STK3: variants seen among roughly 807,000 people sequenced by gnomAD.
STK3 encodes the protein serine/threonine-protein kinase 3.
In STK3, 41 loss-of-function variants were observed where a neutral mutation model predicts 58.0. The observed-to-expected ratio is 0.71, with a 90% CI of 0.55 to 0.92. The LOEUF is 0.92. Ranked by LOEUF, STK3 falls within the 40% of genes least tolerant of loss-of-function variation. STK3 has a pLI of 0.00. For synonymous variants in STK3, 170 were observed against 191.0 expected, an observed-to-expected ratio of 0.89 and a Z score of 0.91; for missense variants, 479 against 602.7, an observed-to-expected ratio of 0.79 and a Z score of 2.15.
At chr8:98,598,077 A>G in intron 6 of STK3, 2 of 985,416 alleles carry the variant, frequency 2.0e-6, no homozygotes, top group Non-Finnish European at 2.4e-6. Context: ...AAGGACTTAC[A>G]TAAGCCCCTA....
intron 4 of STK3, among the ~76,000 whole-genome samples, chr8:98,718,565 G>GA (rs1284376120): frequency 6.6e-6 from 1 of 152,032 alleles, no homozygotes; most frequent in Non-Finnish European, 1.5e-5. Context: ...TTTGAAACGT[G>GA]GGTATTCTAA....
intron 6 of STK3, among the ~76,000 whole-genome samples, chr8:98,696,112 T>A (rs565355016): frequency 6.6e-6 from 1 of 152,314 alleles, no homozygotes; most frequent in African/African-American, 2.4e-5. Flanking sequence ...AGGTATTTTA[T>A]TCTCTTTGAA....
intron 1 of STK3, among the ~76,000 whole-genome samples, chr8:98,890,873 C>T (rs1434632177): frequency 6.6e-6 from 1 of 152,178 alleles, no homozygotes; most frequent in Non-Finnish European, 1.5e-5. Context: ...TCTAAAACAC[C>T]AGTCAGCTTG....
intron 1 of STK3, among the ~76,000 whole-genome samples, chr8:98,885,519 A>G (rs1458353659): frequency 6.6e-6 from 1 of 152,164 alleles, no homozygotes. Flanking sequence ...GGCTCACAGC[A>G]ACCTCCGCCT....
intron 1 of STK3, among the ~76,000 whole-genome samples, chr8:98,808,049 G>T (rs1018688572): frequency 1.3e-5 from 2 of 152,164 alleles, no homozygotes; most frequent in African/African-American, 4.8e-5. Context: ...CTATGAAAAG[G>T]GACATGTTCA....
At chr8:98,869,210 C>A (rs1431240930) in intron 3 of STK3, among the ~76,000 whole-genome samples, 1 of 152,236 alleles carries the variant, frequency 6.6e-6, no homozygotes, top group East Asian at 1.9e-4. Flanking sequence ...CACTCGAGCC[C>A]AGGAGTTCGA....
At chr8:98,484,736 C>T (rs1010098420) in intron 10 of STK3, among the ~76,000 whole-genome samples, 2 of 151,938 alleles carry the variant, frequency 1.3e-5, no homozygotes, top group Middle Eastern at 3.4e-3. Flanking sequence ...TTAGAAAATA[C>T]TATATATAAT....
intron 1 of STK3, among the ~76,000 whole-genome samples, chr8:98,816,032 G>C (rs549318028): frequency 6.6e-6 from 1 of 152,214 alleles, no homozygotes; most frequent in African/African-American, 2.4e-5. Flanking sequence ...ACTTGAGTCT[G>C]CTCCATCTCT....
chr8:98,716,281 T>A (rs1473364520), intron 4 of STK3, among the ~76,000 whole-genome samples: 2 of 151,812 alleles, frequency 1.3e-5, no homozygotes, highest in Non-Finnish European at 2.9e-5. Flanking sequence ...ACTTAAAGTA[T>A]AATAAAAAAA....
upstream of STK3, among the ~76,000 whole-genome samples, chr8:98,829,555 C>T (rs901561499): frequency 6.6e-6 from 1 of 152,114 alleles, no homozygotes; most frequent in Non-Finnish European, 1.5e-5. Flanking sequence ...CTCATTAAAC[C>T]CTGAAAACAA....
intron 1 of STK3, among the ~76,000 whole-genome samples, chr8:98,816,131 G>A (rs1834525534): frequency 6.6e-6 from 1 of 152,156 alleles, no homozygotes; most frequent in African/African-American, 2.4e-5. Flanking sequence ...ATCCAACTCT[G>A]GGAAACTAGT....
chr8:98,904,732 T>C, intron 1 of STK3: 1 of 831,884 alleles, frequency 1.2e-6, no homozygotes, highest in Non-Finnish European at 2.0e-6. Context: ...CCTCTCCAAC[T>C]GTGGGGAGCA....
chr8:98,510,130 GA>G (rs1322105561), intron 10 of STK3, among the ~76,000 whole-genome samples: 1 of 152,162 alleles, frequency 6.6e-6, no homozygotes, highest in East Asian at 1.9e-4. Context: ...CAAAATAAAA[GA>G]ATGATGTTGA....
chr8:98,902,709 T>A lies in STK3; in HGVS notation c.-78-18875A>T, dbSNP rs147104546. 8.3e-4 allele frequency among the ~76,000 whole-genome samples: 126 copies of A among 152,238 alleles called. 2 individuals carry two copies. The highest frequency in any genetic ancestry group is 7.6e-3 in the Admixed American group (116 of 15,282). On this transcript the variant is annotated intron_variant, in intron 1 of 1. Coordinates refer to the STK3 transcript ENST00000519420. ...TCATTTAAAAACATAGTAAATGGGG[T>A]CATGTCACTATCCTACACAAAAATA...
chr8:98,436,477 G>C (rs1054808723), intron 2 of STK3, among the ~76,000 whole-genome samples: 4 of 152,116 alleles, frequency 2.6e-5, no homozygotes, highest in African/African-American at 9.7e-5. Context: ...TCTATCAATG[G>C]AACCACAGTG....
chr8:98,421,081 G>A (rs541132185), intron 3 of STK3, among the ~76,000 whole-genome samples: 3 of 152,316 alleles, frequency 2.0e-5, no homozygotes, highest in South Asian at 2.1e-4. Context: ...GTGGGTGGTA[G>A]TTGAGGCTCC....
At chr8:98,808,829 C>T (rs965269914) in intron 1 of STK3, among the ~76,000 whole-genome samples, 11 of 152,118 alleles carry the variant, frequency 7.2e-5, no homozygotes, top group African/African-American at 2.4e-4. Flanking sequence ...TTGGTAGGCC[C>T]CTACAAAGCT....
intron 1 of STK3, among the ~76,000 whole-genome samples, chr8:98,816,467 C>T (rs960002536): frequency 1.3e-5 from 2 of 149,696 alleles, no homozygotes; most frequent in African/African-American, 2.4e-5. Context: ...GCTGAGATTG[C>T]ACTACTGCAC....
the STK3 span, among the ~76,000 whole-genome samples, chr8:98,344,410 C>G: frequency 6.6e-6 from 1 of 152,152 alleles, no homozygotes; most frequent in Non-Finnish European, 1.5e-5. Flanking sequence ...AGTCAGGCTG[C>G]CAGGAAAGCC....
Sources: allele counts gnomAD v4.1 joint callset (sites outside exome capture counted in the v4.1 genomes callset), GRCh38; gene constraint gnomAD v4.1.1; transcripts MANE v1.5; gene names NCBI Gene and HGNC (gene_info 2026-07-23, HGNC 2026-07-21).